BOP1: variants seen among roughly 807,000 people sequenced by gnomAD.
BOP1 encodes the protein BOP1 ribosomal biogenesis factor.
In BOP1, 54 loss-of-function variants were observed where a neutral mutation model predicts 82.9. The observed-to-expected ratio is 0.65, with a 90% CI of 0.52 to 0.82. The LOEUF is 0.82. Among genes scored for constraint, BOP1 ranks in the 40% least tolerant of loss-of-function variants. The pLI is 0.00. For synonymous variants in BOP1, 566 were observed against 451.1 expected (o/e 1.25, Z -3.23); for missense variants, 1,170 against 1,072.0 (o/e 1.09, Z -1.28).
intron 1 of BOP1, among the ~76,000 whole-genome samples, chr8:144,290,748 G>A (rs1427966816): frequency 6.6e-6 from 1 of 151,754 alleles, no homozygotes; most frequent in Non-Finnish European, 1.5e-5. Flanking sequence ...CGCGGCCGCG[G>A]CCGAGGGGGC....
At chr8:144,271,970 G>T (rs1845499430) in intron 3 of BOP1, among the ~76,000 whole-genome samples, 1 of 151,986 alleles carries the variant, frequency 6.6e-6, no homozygotes, top group Non-Finnish European at 1.5e-5. Context: ...CTGGGGGTCT[G>T]CAGGCTGGAG....
intron 3 of BOP1, chr8:144,267,116 G>A: frequency 6.8e-7 from 1 of 1,465,522 alleles, no homozygotes; most frequent in South Asian, 1.4e-5. Flanking sequence ...CCTCCCGCCC[G>A]CGACGGCGAG....
At chr8:144,283,985 C>T (rs1355396887) in intron 2 of BOP1, among the ~76,000 whole-genome samples, 1 of 152,180 alleles carries the variant, frequency 6.6e-6, no homozygotes, top group Non-Finnish European at 1.5e-5. Context: ...GGCGTGATGA[C>T]GGGCGCCTGT....
chr8:144,268,501 C>T (rs1845433908), intron 3 of BOP1: 1 of 376,668 alleles, frequency 2.7e-6, no homozygotes, highest in Non-Finnish European at 4.8e-6. Context: ...CAACTGTCCT[C>T]ATGAAAGGTT....
At chr8:144,266,680 T>C in intron 3 of BOP1, 1 of 1,248,302 alleles carries the variant, frequency 8.0e-7, no homozygotes. Context: ...GAGCCCGCTG[T>C]CGGAGGACGA....
intron 2 of BOP1, among the ~76,000 whole-genome samples, chr8:144,288,082 A>G (rs1442671810): frequency 6.6e-6 from 1 of 152,130 alleles, no homozygotes; most frequent in East Asian, 1.9e-4. Flanking sequence ...CCTGGCCAAC[A>G]TGGTGAAACC....
In BOP1 at chr8:144,268,227, C is replaced by T. The variant is rs1845425974; in HGVS notation, c.391-3156G>A. On this transcript the variant is annotated intron_variant, in intron 3 of 15. Transcript: ENST00000569669. ...ACTGCAGACAGCCCCCACCTTGGAC[C>T]TGAGCTGGGCAAGGCCCACCGCAAG... 3 of 1,534,788 alleles carry T rather than the reference C, an allele frequency of 2.0e-6. No individual in the cohort carries two copies. The South Asian group carries it at 3.6e-5, about 18-fold the overall frequency.
chr8:144,281,638 T>TCTTAGGCCTTCTCTCACTTTAATACC (rs1588604855), intron 2 of BOP1: 1 of 146,926 alleles, frequency 6.8e-6, no homozygotes, highest in African/African-American at 2.7e-5. Context: ...ACTTTAATAC[T>TCTTAGGCCTTCTCTCACTTTAATACC]AGGTCTTAGG....
rs927990391 is a variant in BOP1 at position 144,271,097 on chromosome 8, G to A, written c.390+5127C>T. On this transcript the variant is annotated intron_variant, in intron 3 of 15. Coordinates refer to ENST00000569669, the MANE Select transcript of BOP1 (RefSeq NM_015201.5). ...GGAGAGCCCCGGCCGGCCGGCCGGG[G>A]GCACACACAGACCCAGCATCAGGGC... Among the ~76,000 whole-genome samples, 140 of 150,820 alleles carry A rather than the reference G, an allele frequency of 9.3e-4. 1 individual carries two copies. The highest frequency in any genetic ancestry group is 3.4e-3 in the African/African-American group (138 of 40,988).
chr8:144,278,765 G>A (rs587690295), intron 2 of BOP1, among the ~76,000 whole-genome samples: 3 of 152,296 alleles, frequency 2.0e-5, no homozygotes, highest in South Asian at 2.1e-4. Context: ...CCCTGCCCAC[G>A]CTAGCCGCAG....
At chr8:144,279,318 G>A (rs1173814462) in intron 2 of BOP1, among the ~76,000 whole-genome samples, 1 of 146,708 alleles carries the variant, frequency 6.8e-6, no homozygotes, top group Non-Finnish European at 1.5e-5. Context: ...GGGCCCTGAC[G>A]ATCACAGGCC....
chr8:144,272,170 C>A (rs1845502787), intron 3 of BOP1, among the ~76,000 whole-genome samples: 1 of 152,232 alleles, frequency 6.6e-6, no homozygotes, highest in East Asian at 1.9e-4. Context: ...CAAACACCCC[C>A]CACCGACACC....
chr8:144,287,045 TG>T (rs1233824238), intron 2 of BOP1, among the ~76,000 whole-genome samples: 1 of 152,278 alleles, frequency 6.6e-6, no homozygotes, highest in East Asian at 1.9e-4. Context: ...AGCCTCACTC[TG>T]TCACCCAGAC....
At chr8:144,267,011 C>T (rs1165241192) in intron 3 of BOP1, 17 of 1,533,278 alleles carry the variant, frequency 1.1e-5, no homozygotes, top group Non-Finnish European at 1.5e-5. Flanking sequence ...GTGCTGCTGG[C>T]GGGCGAGGCC....
rs916581346 is a variant in BOP1, at chr8:144,271,496, G to A, written c.390+4728C>T. 6.6e-3 allele frequency among the ~76,000 whole-genome samples: 997 copies of A among 151,906 alleles called. 9 individuals are homozygous for A. The highest frequency in any genetic ancestry group is 0.023 in the African/African-American group (947 of 41,416). ...GCGGGTAGTGTTCAGCGTTCGCGCC[G>A]CTCCCCTGCACAAAACGCCCGCCTG... On this transcript the variant is annotated intron_variant, in intron 3 of 15. Coordinates refer to ENST00000569669, the MANE Select transcript of BOP1 (RefSeq NM_015201.5).
At chr8:144,283,161 G>A (rs1814764491) in intron 2 of BOP1, among the ~76,000 whole-genome samples, 1 of 131,600 alleles carries the variant, frequency 7.6e-6, no homozygotes, top group Non-Finnish European at 1.5e-5. Flanking sequence ...TTGTGCCACT[G>A]CACTCCAGCC....
rs1180662469 is a variant in BOP1 at position 144,262,843 on chromosome 8, CA to C, written c.1894+9del. 17,881 of 1,287,448 alleles carry C rather than the reference CA, an allele frequency of 0.014. 532 individuals carry two copies. The highest frequency in any genetic ancestry group is 0.044 in the African/African-American group (2,319 of 53,088). The allele number at this position is 1,287,448 out of a possible 1,614,324, so 79.8% of individuals were successfully genotyped here. A position where few individuals can be genotyped will look rare whatever the true frequency, so the allele number is the denominator to read the frequency against. ...CCTCACCTGCAGGGTGCACCGCCCC[CA>C]CCCCTCACCTGCAGGGTGCACCGCC... On this transcript the variant is annotated intron_variant, in intron 13 of 15. Coordinates refer to ENST00000569669, the MANE Select transcript of BOP1 (RefSeq NM_015201.5).
rs952223872 is a variant in BOP1 at position 144,265,269 on chromosome 8, C to T, written c.391-198G>A. On this transcript the variant is annotated intron_variant, in intron 3 of 15. Transcript: ENST00000569669. ...GCATGGCGGCCACGCTGCCCCCACC[C>T]CCGCCCTCGGAGGCGCCGGAGCTGC... The T allele has an allele frequency of 1.8e-4, 116 of 655,138 alleles. 1 individual carries two copies. In the African/African-American group the frequency reaches 1.9e-3, roughly 11 times the overall value. The allele number at this position is 655,138 out of a possible 1,614,324, so 40.6% of individuals were successfully genotyped here.
At chr8:144,268,315 C>G (rs1482243824) in intron 3 of BOP1, 35 of 918,190 alleles carry the variant, frequency 3.8e-5, no homozygotes, top group Non-Finnish European at 5.5e-5. Context: ...TACAGACAGG[C>G]GCCGGCAGCG....
Sources: allele counts gnomAD v4.1 joint callset (sites outside exome capture counted in the v4.1 genomes callset), GRCh38; gene constraint gnomAD v4.1.1; transcripts MANE v1.5; gene names NCBI Gene and HGNC (gene_info 2026-07-23, HGNC 2026-07-21).